The following NLN variants were observed in gnomAD, a reference collection of about 807,000 sequenced individuals.
NLN encodes neurolysin, mitochondrial.
In NLN, 64 loss-of-function variants were observed where a neutral mutation model predicts 79.9. The ratio of observed to expected loss-of-function variants is 0.80; its 90% confidence interval spans 0.65 to 0.99. The LOEUF is 0.99. Among genes scored for constraint, NLN ranks in the 50% least tolerant of loss-of-function variants. The pLI, the probability that NLN is intolerant of heterozygous loss-of-function variation, is 0.00. For synonymous variants in NLN, 267 were observed against 296.6 expected, an observed-to-expected ratio of 0.90 and a Z score of 1.02; for missense variants, 835 against 858.7, an observed-to-expected ratio of 0.97 and a Z score of 0.34.
chr5:65,758,846 A>C lies in NLN; in HGVS notation c.301+20A>C. The C allele has an allele frequency of 6.3e-7, 1 of 1,592,626 alleles. No homozygotes were observed. Among genetic ancestry groups the C allele is most frequent in the Non-Finnish European group, 8.6e-7 (1 of 1,163,140 alleles). ...ATATAGGTGGGTCAGATGCAGAAGCATATCAGTGTTTCACTTTGTGGACAT... is the reference window on the plus strand; with the variant it reads ...ATATAGGTGGGTCAGATGCAGAAGCCTATCAGTGTTTCACTTTGTGGACAT... On this transcript the variant is annotated intron_variant, in intron 2 of 12. Coordinates refer to ENST00000380985, the MANE Select transcript of NLN (RefSeq NM_020726.5).
intron 1 of NLN, among the ~76,000 whole-genome samples, chr5:65,753,664 A>C (rs1023865010): frequency 1.3e-5 from 2 of 151,958 alleles, no homozygotes; most frequent in African/African-American, 2.4e-5. Flanking sequence ...AAAAAAAAAA[A>C]ACCTGAATAT....
intron 1 of NLN, among the ~76,000 whole-genome samples, chr5:65,757,256 CT>C (rs1484900828): frequency 6.6e-6 from 1 of 152,130 alleles, no homozygotes; most frequent in Non-Finnish European, 1.5e-5. Flanking sequence ...CAGTAATGCC[CT>C]ACCTACCTTA....
chr5:65,723,557 G>A (rs566876797), intron 1 of NLN, among the ~76,000 whole-genome samples: 147 of 152,274 alleles, frequency 9.7e-4, no homozygotes, highest in Admixed American at 1.7e-3. Flanking sequence ...GCTCATGCCT[G>A]TAATCCCAGC....
At chr5:65,742,327 A>C (rs1278377126) in intron 1 of NLN, among the ~76,000 whole-genome samples, 1 of 152,194 alleles carries the variant, frequency 6.6e-6, no homozygotes, top group African/African-American at 2.4e-5. Context: ...ACTGTTTCCA[A>C]AATAAATGTA....
chr5:65,778,310 A>G lies in NLN; in HGVS notation c.558+776A>G, dbSNP rs147858775. Among the ~76,000 whole-genome samples, 435 of 152,314 alleles carry G rather than the reference A, an allele frequency of 2.9e-3. 3 individuals are homozygous for G. Among genetic ancestry groups the G allele is most frequent in the African/African-American group, 0.01 (423 of 41,568 alleles). The stretch of plus-strand genomic sequence containing the variant: ...ACCTTTTTCTTCTTGGAAAGGAAAT[A>G]TACTCCATGATTTATTTCCAGGTCA... On this transcript the variant is annotated intron_variant, in intron 4 of 12. Coordinates refer to ENST00000380985, the MANE Select transcript of NLN (RefSeq NM_020726.5).
chr5:65,797,958 A>G (rs775134858), intron 9 of NLN, among the ~76,000 whole-genome samples: 1 of 152,186 alleles, frequency 6.6e-6, no homozygotes, highest in Non-Finnish European at 1.5e-5. Context: ...GATACCTGAA[A>G]CAGTAACAGA....
chr5:65,754,056 T>TA (rs1311652746), intron 1 of NLN, among the ~76,000 whole-genome samples: 3 of 152,198 alleles, frequency 2.0e-5, no homozygotes, highest in African/African-American at 4.8e-5. Flanking sequence ...TCCCTATACT[T>TA]ATTCCTTTAT....
rs1579970356 is a variant in NLN at position 65,812,361 on chromosome 5, T to C, written c.1950T>C (p.Cys650=). 1 of 1,566,466 alleles carries C rather than the reference T, an allele frequency of 6.4e-7. No individual in the cohort carries two copies. The highest frequency in any genetic ancestry group is 8.8e-7 in the Non-Finnish European group (1 of 1,137,132). The change falls in exon 12 of 13, where the codon TGT becomes TGC. Residue 650 remains cysteine, a synonymous_variant. Coordinates refer to ENST00000380985, the MANE Select transcript of NLN (RefSeq NM_020726.5). ...TTTCCATGGATATGTTTTACAGCTG[T>C]TTTAAAAAAGAAGGGATAATGAATC... ...EVFSMDMFYS[C]FKKEGIMNPE...
Position 65,758,616 on chromosome 5 carries a change from A to T in NLN, c.91A>T (p.Met31Leu), listed in dbSNP as rs1759273519. The T allele has an allele frequency of 1.9e-6, 3 of 1,610,040 alleles. No homozygotes were observed. In the East Asian group the frequency reaches 6.7e-5, roughly 36 times the overall value. Residue 31 changes from methionine to leucine, a missense_variant, in exon 2 of 13, where the codon ATG becomes TTG. Transcript: ENST00000380985. ...CAGAATGACGTTAGGAAGAGAAGTG[A>T]TGTCTCCTCTTCAGGCAATGTCTTC... ...LLRMTLGREV[M>L]SPLQAMSSYT...
intron 1 of NLN, among the ~76,000 whole-genome samples, chr5:65,753,015 G>A (rs1347906447): frequency 3.3e-5 from 5 of 152,156 alleles, no homozygotes; most frequent in African/African-American, 1.2e-4. Context: ...CTTTTCACTA[G>A]TTGCCTTGGA....
At chr5:65,811,574 T>C (rs1184534522) in intron 11 of NLN, among the ~76,000 whole-genome samples, 3 of 152,084 alleles carry the variant, frequency 2.0e-5, no homozygotes, top group African/African-American at 7.2e-5. Context: ...TCCCAACACT[T>C]TGGGAGACCG....
chr5:65,722,284 A>G lies in NLN; in HGVS notation c.-90A>G. 1 of 1,042,086 alleles carries G rather than the reference A, an allele frequency of 9.6e-7. No individual in the cohort carries two copies. Among genetic ancestry groups the G allele is most frequent in the Non-Finnish European group, 1.3e-6 (1 of 747,958 alleles). The allele number at this position is 1,042,086 out of a possible 1,614,324, so 64.6% of individuals were successfully genotyped here. ...TGGCCTCTGCGGCTAGGCCGGCTCGAGACTCCCGGGCGCCCAGGCGCTGCC... is the reference window on the plus strand; with the variant it reads ...TGGCCTCTGCGGCTAGGCCGGCTCGGGACTCCCGGGCGCCCAGGCGCTGCC... On this transcript the variant is annotated 5_prime_UTR_variant, in exon 1 of 13. Transcript: ENST00000380985.
rs367824853 is a variant in NLN at position 65,792,484 on chromosome 5, C to T, written c.1356C>T (p.Phe452=). The change falls in exon 9 of 13, where the codon TTC becomes TTT. Residue 452 remains phenylalanine (F), a synonymous_variant. Coordinates refer to ENST00000380985, the MANE Select transcript of NLN (RefSeq NM_020726.5). ...REGKYNHAAC[F]GLQPGCLLPD... ...GAAAATACAATCATGCGGCCTGCTT[C>T]GGTCTCCAGCCTGGCTGCCTTCTGC... 8 of 1,613,916 alleles carry T rather than the reference C, an allele frequency of 5.0e-6. No homozygotes were observed. The highest frequency in any genetic ancestry group is 1.3e-5 in the African/African-American group (1 of 74,916).
At chr5:65,724,183 C>G (rs1475644145) in intron 1 of NLN, among the ~76,000 whole-genome samples, 1 of 151,082 alleles carries the variant, frequency 6.6e-6, no homozygotes, top group Non-Finnish European at 1.5e-5. Context: ...GAGGTACAGC[C>G]AACACCACTG....
At chr5:65,809,347 C>T in intron 9 of NLN, 168 bp from the exon 10 acceptor site, 1 of 581,694 alleles carries the variant, frequency 1.7e-6, no homozygotes, top group Non-Finnish European at 3.0e-6. Flanking sequence ...TCACACTGTT[C>T]AGCTGCTGTG....
intron 3 of NLN, among the ~76,000 whole-genome samples, chr5:65,765,165 T>A (rs1332186193): frequency 6.6e-6 from 1 of 151,898 alleles, no homozygotes; most frequent in African/African-American, 2.4e-5. Context: ...GGCAGATCAC[T>A]TGAGCTCGGG....
chr5:65,729,172 A>G (rs767525642), intron 1 of NLN, among the ~76,000 whole-genome samples: 1 of 152,076 alleles, frequency 6.6e-6, no homozygotes, highest in Non-Finnish European at 1.5e-5. Context: ...AAACTTAACA[A>G]TATTTACAGG....
intron 3 of NLN, among the ~76,000 whole-genome samples, chr5:65,771,879 C>G (rs796274805): frequency 6.7e-6 from 1 of 148,682 alleles, no homozygotes; most frequent in Non-Finnish European, 1.5e-5. Context: ...TAGCCAGTCT[C>G]ATAACCCAGT....
intron 1 of NLN, 49 bp from the exon 2 acceptor site, chr5:65,758,518 T>C: frequency 7.2e-7 from 1 of 1,395,524 alleles, no homozygotes; most frequent in Non-Finnish European, 1.0e-6. Context: ...ATGTTGACTT[T>C]GGACCAACAG....
Sources: allele counts gnomAD v4.1 joint callset (sites outside exome capture counted in the v4.1 genomes callset), GRCh38; gene constraint gnomAD v4.1.1; transcripts MANE v1.5; gene names NCBI Gene and HGNC (gene_info 2026-07-23, HGNC 2026-07-21).